Variants in MPDZ observed in about 807,000 individuals in gnomAD.
The protein encoded by MPDZ is multiple PDZ domain protein.
Under a neutral mutation model 239.1 loss-of-function variants are expected in MPDZ, and 234 were observed. The observed-to-expected ratio is 0.98, with a 90% CI of 0.88 to 1.09. The LOEUF is 1.09. Among genes scored for constraint, MPDZ ranks in the 50% least tolerant of loss-of-function variants. The pLI is 0.00. For missense variants in MPDZ, 3,175 were observed against 2,510.0 expected, an observed-to-expected ratio of 1.26 and a Z score of -5.66; for synonymous variants, 1,048 against 881.3, an observed-to-expected ratio of 1.19 and a Z score of -3.35.
chr9:13,202,825 C>T (rs2135536916), intron 12 of MPDZ, among the ~76,000 whole-genome samples: 1 of 152,286 alleles, frequency 6.6e-6, no homozygotes, highest in Middle Eastern at 3.4e-3. Context: ...CCTCTCAATT[C>T]TGTAGGCCCA....
chr9:13,181,936 C>T (rs10756460), intron 19 of MPDZ, among the ~76,000 whole-genome samples: 79,805 of 151,952 alleles, frequency 0.53, 25,088 homozygotes, highest in Non-Finnish European at 0.69. Context: ...AGGACACAGC[C>T]AGACAGACAG....
intron 34 of MPDZ, 111 bp downstream of exon 34, chr9:13,126,405 C>T (rs1945120954): frequency 6.8e-6 from 4 of 587,172 alleles, no homozygotes; most frequent in Non-Finnish European, 1.1e-5. Flanking sequence ...TCCTTAAGAA[C>T]ATGTCTAATA....
chr9:13,271,334 C>G (rs563196841), intron 1 of MPDZ, among the ~76,000 whole-genome samples: 8 of 152,210 alleles, frequency 5.3e-5, no homozygotes, highest in Admixed American at 2.0e-4. Flanking sequence ...TCAGAACATG[C>G]CACTCCAAAA....
intron 1 of MPDZ, among the ~76,000 whole-genome samples, chr9:13,269,404 C>G (rs1014992701): frequency 6.6e-6 from 1 of 152,046 alleles, no homozygotes; most frequent in Admixed American, 6.6e-5. Context: ...TCTCTCAGGG[C>G]TATATCCCCA....
At chr9:13,245,077 G>C (rs1966288788) in intron 3 of MPDZ, among the ~76,000 whole-genome samples, 1 of 152,082 alleles carries the variant, frequency 6.6e-6, no homozygotes, top group African/African-American at 2.4e-5. Context: ...GGTCAGATTT[G>C]TGTAGCCACT....
chr9:13,173,458 T>C (rs907390491), intron 21 of MPDZ, among the ~76,000 whole-genome samples: 12 of 152,024 alleles, frequency 7.9e-5, no homozygotes, highest in African/African-American at 2.9e-4. Flanking sequence ...ATCCTAGCAC[T>C]TTGGGAGGCG....
At position 13,212,018 on chromosome 9, in the gene MPDZ, G is replaced by A. The variant is rs557650092; in HGVS notation, c.1290+4756C>T. 6.6e-5 allele frequency among the ~76,000 whole-genome samples: 10 copies of A among 151,872 alleles called. No individual in the cohort carries two copies. In the South Asian group the frequency reaches 2.1e-3, roughly 32 times the overall value. ...AAAATGGCAAAAATCTCCATGTTGGGGCTCCATGAAAATTCATAAAATGCA... is the reference window on the plus strand; with the variant it reads ...AAAATGGCAAAAATCTCCATGTTGGAGCTCCATGAAAATTCATAAAATGCA... On this transcript the variant is annotated intron_variant, in intron 10 of 46. Coordinates refer to ENST00000319217, the MANE Select transcript of MPDZ (RefSeq NM_001378778.1).
At chr9:13,272,736 A>C (rs1345915751) in intron 1 of MPDZ, among the ~76,000 whole-genome samples, 1 of 151,844 alleles carries the variant, frequency 6.6e-6, no homozygotes, top group Non-Finnish European at 1.5e-5. Context: ...AACAAAAGAA[A>C]ATGAATGCTG....
At chr9:13,113,245 C>A (rs547235788) in intron 41 of MPDZ, among the ~76,000 whole-genome samples, 191 bp from the exon 42 acceptor site, 14 of 152,086 alleles carry the variant, frequency 9.2e-5, no homozygotes, top group South Asian at 4.2e-4. Flanking sequence ...GTTGGAAAAA[C>A]GTGTATACCA....
chr9:13,119,880 C>G (rs1944071270), intron 38 of MPDZ: 1 of 532,640 alleles, frequency 1.9e-6, no homozygotes, highest in Non-Finnish European at 3.3e-6. Context: ...CATATTTATT[C>G]TTCATCATTT....
At chr9:13,203,728 C>CCACACACACACACA (rs58472339) in intron 12 of MPDZ, among the ~76,000 whole-genome samples, 14 of 140,560 alleles carry the variant, frequency 1.0e-4, no homozygotes, top group African/African-American at 3.2e-4. Context: ...ATGTATCCTG[C>CCACACACACACACA]CACACACACA....
chr9:13,204,676 T>C (rs933598392), intron 12 of MPDZ, among the ~76,000 whole-genome samples: 1 of 152,132 alleles, frequency 6.6e-6, no homozygotes, highest in African/African-American at 2.4e-5. Flanking sequence ...ACTTTATAAT[T>C]TTATTACTGT....
At chr9:13,204,538 A>G (rs1026715769) in intron 12 of MPDZ, among the ~76,000 whole-genome samples, 1 of 152,182 alleles carries the variant, frequency 6.6e-6, no homozygotes, top group Non-Finnish European at 1.5e-5. Flanking sequence ...TTACCTTCCA[A>G]ACCACTTCCC....
chr9:13,179,076 A>C (rs1952918437), intron 19 of MPDZ, among the ~76,000 whole-genome samples: 1 of 152,106 alleles, frequency 6.6e-6, no homozygotes, highest in Non-Finnish European at 1.5e-5. Context: ...AATGTGACTT[A>C]TTATCTCTCT....
At chr9:13,218,182 GATTT>G (rs1430582681) in intron 8 of MPDZ, among the ~76,000 whole-genome samples, 2 of 151,764 alleles carry the variant, frequency 1.3e-5, no homozygotes, top group African/African-American at 2.4e-5. Flanking sequence ...AGTAAAGTTT[GATTT>G]ATTTTTTTCA....
At position 13,122,113 on chromosome 9, in the gene MPDZ, G is replaced by A. The variant is rs1944439604; in HGVS notation, c.5011C>T (p.Leu1671Phe). The A allele has an allele frequency of 6.2e-7, 1 of 1,614,006 alleles. No individual in the cohort carries two copies. Residue 1671 changes from leucine (L) to phenylalanine (F), a missense_variant, in exon 37 of 47, where the codon CTC becomes TTC. Coordinates refer to ENST00000319217, the MANE Select transcript of MPDZ (RefSeq NM_001378778.1). Reference sequence around the variant, plus strand: ...TCTAAGATCTGATCTCCAGCCCAGAGTCTTCCATCTTTACATGCTGCTCCT... The same window carrying A: ...TCTAAGATCTGATCTCCAGCCCAGAATCTTCCATCTTTACATGCTGCTCCT... ...EEGAACKDGR[L>F]WAGDQILEVN...
chr9:13,165,536 C>CG, intron 22 of MPDZ: 1 of 1,000,538 alleles, frequency 1.0e-6, no homozygotes, highest in Non-Finnish European at 1.4e-6. Context: ...TTTTTTTCCC[C>CG]CTTTCCACCT....
intron 35 of MPDZ, 125 bp from the exon 36 acceptor site, chr9:13,123,423 A>G: frequency 1.5e-6 from 1 of 673,290 alleles, no homozygotes; most frequent in South Asian, 2.4e-5. Flanking sequence ...GTGGGAAAAG[A>G]GACTTTGTAT....
rs568739953 is a variant in MPDZ at position 13,196,206 on chromosome 9, A to G, written c.1571T>C (p.Ile524Thr). The change falls in exon 13 of 47, where the codon ATA becomes ACA. Residue 524 changes from isoleucine to threonine, a missense_variant. Coordinates refer to ENST00000319217, the MANE Select transcript of MPDZ (RefSeq NM_001378778.1). ...TTTTTGTGCATCTTCTATTTCTTCT[A>G]TCTCAGCTGACAGTAATGGATACCC... is the stretch of plus-strand genomic sequence containing the variant. ...EEGYPLLSAEIEEIEDAQKQE... is the reference protein window; with the variant it reads ...EEGYPLLSAETEEIEDAQKQE... 2.5e-6 allele frequency: 4 copies of G among 1,594,262 alleles called. No individual in the cohort carries two copies. The highest frequency in any genetic ancestry group is 2.7e-5 in the African/African-American group (2 of 74,894).
Sources: gnomAD v4.1 joint callset for allele counts (sites outside exome capture counted in the v4.1 genomes callset) on GRCh38, gnomAD v4.1.1 for gene constraint, MANE v1.5 for transcripts, NCBI Gene and HGNC (gene_info 2026-07-23, HGNC 2026-07-21) for gene names.